The following FUT8 variants were observed in gnomAD, a reference collection of about 807,000 sequenced individuals.
FUT8 encodes alpha-(1,6)-fucosyltransferase.
Under a neutral mutation model 71.3 loss-of-function variants are expected in FUT8, and 29 were observed. That is an observed-to-expected ratio of 0.41 (90% CI 0.30 to 0.55). The LOEUF is 0.55. Among genes scored for constraint, FUT8 ranks in the 20% least tolerant of loss-of-function variants. FUT8 has a pLI of 0.34. For missense variants in FUT8, 544 were observed against 702.1 expected (o/e 0.77, Z 2.55); for synonymous variants, 254 against 239.3 (o/e 1.06, Z -0.57).
At chr14:65,449,986 C>G (rs2065797667) in intron 1 of FUT8, among the ~76,000 whole-genome samples, 1 of 152,200 alleles carries the variant, frequency 6.6e-6, no homozygotes, top group Non-Finnish European at 1.5e-5. Flanking sequence ...ACCAATTTCA[C>G]CACTGATAGA....
the FUT8 span, among the ~76,000 whole-genome samples, chr14:65,385,336 G>C: frequency 2.9e-4 from 41 of 143,392 alleles, no homozygotes; most frequent in African/African-American, 9.6e-4. Flanking sequence ...TTTAATTTTT[G>C]TATGCACTAT....
At chr14:65,601,662 T>G (rs903128137) in intron 3 of FUT8, among the ~76,000 whole-genome samples, 1 of 152,174 alleles carries the variant, frequency 6.6e-6, no homozygotes, top group African/African-American at 2.4e-5. Context: ...GTTGGTTAAT[T>G]TCTTCTGAAT....
intron 6 of FUT8, among the ~76,000 whole-genome samples, chr14:65,648,525 C>T (rs534595678): frequency 6.6e-6 from 1 of 152,302 alleles, no homozygotes; most frequent in African/African-American, 2.4e-5. Context: ...ATACCCCTTG[C>T]TATCTTACAG....
At chr14:65,396,936 C>T in the FUT8 span, among the ~76,000 whole-genome samples, 3 of 152,200 alleles carry the variant, frequency 2.0e-5, no homozygotes, top group Admixed American at 2.0e-4. The surrounding 1 kb of genome is among the most constrained non-coding windows in gnomAD (Gnocchi z 5.5). Context: ...GCCTTGAACT[C>T]TTTGACTCAA....
intron 2 of FUT8, among the ~76,000 whole-genome samples, chr14:65,519,848 G>A (rs2139855573): frequency 6.6e-6 from 1 of 152,070 alleles, no homozygotes; most frequent in Non-Finnish European, 1.5e-5. Context: ...GCATGATCTT[G>A]GCTCACTCCA....
At chr14:65,402,658 T>C in the FUT8 span, among the ~76,000 whole-genome samples, 1 of 99,290 alleles carries the variant, frequency 1.0e-5, no homozygotes, top group Non-Finnish European at 2.1e-5. Flanking sequence ...AGAGTGAGAC[T>C]CCGTCTAAAG....
intron 2 of FUT8, among the ~76,000 whole-genome samples, chr14:65,479,205 G>A (rs533785282): frequency 6.6e-6 from 1 of 152,094 alleles, no homozygotes; most frequent in African/African-American, 2.4e-5. Flanking sequence ...GATGTCTATG[G>A]CATATATTAA....
chr14:65,482,709 A>G (rs2066350119), intron 2 of FUT8, among the ~76,000 whole-genome samples: 1 of 152,098 alleles, frequency 6.6e-6, no homozygotes, highest in African/African-American at 2.4e-5. Context: ...GCTGGTTACC[A>G]ATCTGTTGCC....
the FUT8 span, among the ~76,000 whole-genome samples, chr14:65,372,309 T>G: frequency 6.6e-6 from 1 of 152,336 alleles, no homozygotes; most frequent in East Asian, 1.9e-4. Flanking sequence ...TCTAGTAAAT[T>G]TTTAAGAAAA....
In FUT8 at chr14:65,607,378, T is replaced by A. The variant is rs1177215898; in HGVS notation, c.204-8600T>A. Reference sequence around the variant, plus strand: ...TAAAGAGTTTACCTTCCATTCATTCTTTCTTGTTAAGGTGTTTATAATGAA... The same window carrying A: ...TAAAGAGTTTACCTTCCATTCATTCATTCTTGTTAAGGTGTTTATAATGAA... On this transcript the variant is annotated intron_variant, in intron 3 of 10. Transcript: ENST00000673929. This position sits in a 1 kb window ranked among gnomAD's most constrained non-coding sequence, Gnocchi z 4.1. Among the ~76,000 whole-genome samples the A allele has an allele frequency of 2.0e-5, 3 of 151,970 alleles. No homozygotes were observed. Among genetic ancestry groups the A allele is most frequent in the Admixed American group, 6.6e-5 (1 of 15,224 alleles).
At position 65,669,428 on chromosome 14, in the gene FUT8, TGTAA is replaced by T. The variant is rs1225111857; in HGVS notation, c.786_789del (p.Ser263ArgfsTer18). 6.2e-7 allele frequency: 1 copy of T among 1,613,736 alleles called. No homozygotes were observed. The highest frequency in any genetic ancestry group is 2.2e-5 in the East Asian group (1 of 44,874). ...GTGGATGGGAGACTGTATTTAGGCC[TGTAA>T]GTGAGACATGCACAGACAGATCTGG... On this transcript the variant is annotated frameshift_variant, in exon 7 of 11. Transcript: ENST00000673929. LOFTEE classifies it high-confidence loss of function. This position sits in a 1 kb window ranked among gnomAD's most constrained non-coding sequence, Gnocchi z 4.5.
chr14:65,551,854 G>T (rs1041115451), intron 2 of FUT8, among the ~76,000 whole-genome samples: 1 of 152,066 alleles, frequency 6.6e-6, no homozygotes, highest in Admixed American at 6.6e-5. Context: ...TAGAGACTTC[G>T]TTCTACTTCT....
At chr14:65,378,844 T>G in the FUT8 span, among the ~76,000 whole-genome samples, 2 of 132,952 alleles carry the variant, frequency 1.5e-5, no homozygotes, top group African/African-American at 2.8e-5. Flanking sequence ...AAGGTTTTTT[T>G]TTTTTTTTTT....
chr14:65,445,869 C>T (rs757882875), intron 1 of FUT8, among the ~76,000 whole-genome samples: 1 of 152,194 alleles, frequency 6.6e-6, no homozygotes, highest in Non-Finnish European at 1.5e-5. Context: ...CTCAGGTGAT[C>T]CCCCTGCCTT....
chr14:65,362,281 G>T, the FUT8 span, among the ~76,000 whole-genome samples: 1 of 152,234 alleles, frequency 6.6e-6, no homozygotes, highest in East Asian at 1.9e-4. Flanking sequence ...GCACAACGCT[G>T]TCTTCTAAGG....
At chr14:65,490,304 T>G (rs1374010412) in intron 2 of FUT8, among the ~76,000 whole-genome samples, 1 of 152,142 alleles carries the variant, frequency 6.6e-6, no homozygotes, top group Admixed American at 6.6e-5. Context: ...ATGTGACTTT[T>G]AAGGTTCCCA....
chr14:65,673,891 TCTCA>T (rs1273146318), intron 7 of FUT8, among the ~76,000 whole-genome samples: 6 of 152,174 alleles, frequency 3.9e-5, no homozygotes, highest in Non-Finnish European at 7.4e-5. Context: ...TATTCAAATA[TCTCA>T]CTCAGGTCAG....
intron 3 of FUT8, among the ~76,000 whole-genome samples, chr14:65,579,384 TA>T: frequency 6.6e-6 from 1 of 152,212 alleles, no homozygotes; most frequent in East Asian, 1.9e-4. Flanking sequence ...GATCCCCATG[TA>T]ACAGTATTGA....
At chr14:65,727,347 A>C (rs145580503) in intron 9 of FUT8, among the ~76,000 whole-genome samples, 5 of 152,182 alleles carry the variant, frequency 3.3e-5, no homozygotes, top group Non-Finnish European at 5.9e-5. Context: ...CTGGGCATCC[A>C]GGTGTTTTTA....
Sources: allele counts gnomAD v4.1 joint callset (sites outside exome capture counted in the v4.1 genomes callset), GRCh38; gene constraint gnomAD v4.1.1; non-coding constraint Gnocchi (gnomAD v3.1); transcripts MANE v1.5; gene names NCBI Gene and HGNC (gene_info 2026-07-23, HGNC 2026-07-21).